Variants in SCAPER observed in about 807,000 individuals in gnomAD.
The protein encoded by SCAPER is S phase cyclin A-associated protein in the endoplasmic reticulum.
SCAPER carries 98 observed loss-of-function variants against 182.2 expected under a neutral mutation model. The observed-to-expected ratio is 0.54, with a 90% CI of 0.46 to 0.64. The LOEUF (loss-of-function observed/expected upper bound fraction) is 0.64. Among genes scored for constraint, SCAPER ranks in the 30% least tolerant of loss-of-function variants. The pLI, the probability that SCAPER is intolerant of heterozygous loss-of-function variation, is 0.00. For missense variants in SCAPER, 1,432 were observed against 1,690.0 expected, an observed-to-expected ratio of 0.85 and a Z score of 2.68; for synonymous variants, 605 against 564.6, an observed-to-expected ratio of 1.07 and a Z score of -1.01.
intron 1 of SCAPER, among the ~76,000 whole-genome samples, chr15:76,884,150 T>C (rs10851892): frequency 0.26 from 40,270 of 152,116 alleles, 6,297 homozygotes; most frequent in East Asian, 0.55. Context: ...ACTTTCTTAC[T>C]ACAACCCATA....
intron 5 of SCAPER, among the ~76,000 whole-genome samples, chr15:76,824,871 G>T (rs986913001): frequency 1.3e-5 from 2 of 152,076 alleles, no homozygotes; most frequent in Non-Finnish European, 2.9e-5. Context: ...ATCTTTGTGG[G>T]TAAATAAAAT....
rs1174283004 is a variant in SCAPER, at chr15:76,531,651, TA to T, written c.2839-26678del. 4.4e-3 allele frequency among the ~76,000 whole-genome samples: 645 copies of T among 146,422 alleles called. 7 individuals carry two copies. The highest frequency in any genetic ancestry group is 0.012 in the African/African-American group (484 of 40,228). ...GAGGATTAAATGTGTAAATATATGT[TA>T]AAAAAAAAAAGAATGGTACTTGGCA... On this transcript the variant is annotated intron_variant, in intron 23 of 31. Transcript: ENST00000563290.
chr15:76,352,908 CT>C (rs1311867757), intron 30 of SCAPER, among the ~76,000 whole-genome samples: 4 of 151,774 alleles, frequency 2.6e-5, no homozygotes, highest in Non-Finnish European at 4.4e-5. Flanking sequence ...TCTAATTTAA[CT>C]TTTTTTCCAG....
chr15:76,406,555 G>A (rs1298248348), intron 26 of SCAPER, among the ~76,000 whole-genome samples: 2 of 152,026 alleles, frequency 1.3e-5, no homozygotes, highest in Admixed American at 1.3e-4. Context: ...GGCTGAGGCA[G>A]GAGGATTGCT....
At chr15:76,723,472 T>C (rs1567926421) in intron 17 of SCAPER, among the ~76,000 whole-genome samples, 1 of 152,158 alleles carries the variant, frequency 6.6e-6, no homozygotes, top group African/African-American at 2.4e-5. Context: ...CTGAGTTCAA[T>C]TCCTGGATAT....
chr15:76,456,584 T>C (rs959358269), intron 25 of SCAPER, among the ~76,000 whole-genome samples: 4 of 152,206 alleles, frequency 2.6e-5, no homozygotes, highest in Admixed American at 2.6e-4. Flanking sequence ...GGTGCAGTGA[T>C]CTACAAACAT....
chr15:76,631,382 T>C (rs1224738889), intron 21 of SCAPER, among the ~76,000 whole-genome samples: 1 of 152,236 alleles, frequency 6.6e-6, no homozygotes, highest in African/African-American at 2.4e-5. Flanking sequence ...TGCTTCATAA[T>C]GTCACTGGTC....
intron 9 of SCAPER, among the ~76,000 whole-genome samples, chr15:76,772,475 A>C (rs903734319): frequency 6.6e-6 from 1 of 152,060 alleles, no homozygotes; most frequent in Non-Finnish European, 1.5e-5. Context: ...AGATAATATT[A>C]ACATGATCTC....
At chr15:76,451,881 C>T (rs1191072875) in intron 25 of SCAPER, among the ~76,000 whole-genome samples, 1 of 152,198 alleles carries the variant, frequency 6.6e-6, no homozygotes, top group Non-Finnish European at 1.5e-5. Context: ...AGAGGGCAGG[C>T]TGTGACTGCA....
chr15:76,404,163 G>A (rs1456968375), intron 27 of SCAPER, among the ~76,000 whole-genome samples: 2 of 152,182 alleles, frequency 1.3e-5, no homozygotes, highest in Admixed American at 6.5e-5. Flanking sequence ...GCTGTACTGT[G>A]TAGGGCTGAC....
intron 5 of SCAPER, among the ~76,000 whole-genome samples, chr15:76,813,705 T>C (rs2066851426): frequency 6.6e-6 from 1 of 152,202 alleles, no homozygotes; most frequent in Admixed American, 6.5e-5. Flanking sequence ...AAATCCTATT[T>C]ATAATAGCAC....
At chr15:76,799,347 G>A (rs1009050167) in intron 7 of SCAPER, among the ~76,000 whole-genome samples, 5 of 149,120 alleles carry the variant, frequency 3.4e-5, no homozygotes, top group Non-Finnish European at 5.9e-5. Context: ...GTACAGTGGC[G>A]TGATATTGGC....
chr15:76,405,097 T>G (rs1466747182), intron 26 of SCAPER, among the ~76,000 whole-genome samples: 1 of 149,580 alleles, frequency 6.7e-6, no homozygotes, highest in Non-Finnish European at 1.5e-5. Context: ...GACACTCTTG[T>G]TACAACTTAC....
intron 23 of SCAPER, among the ~76,000 whole-genome samples, chr15:76,536,024 T>A (rs575949384): frequency 1.5e-4 from 23 of 152,220 alleles, no homozygotes; most frequent in African/African-American, 3.9e-4. Flanking sequence ...ATACACTTAC[T>A]GAGTAAAATT....
intron 22 of SCAPER, among the ~76,000 whole-genome samples, chr15:76,580,624 G>A (rs1222625489): frequency 6.6e-6 from 1 of 151,958 alleles, no homozygotes; most frequent in East Asian, 1.9e-4. Flanking sequence ...TATTATAATG[G>A]AAACATAACA....
chr15:76,812,497 A>AAAAAAAAAG (rs61243906), intron 5 of SCAPER, among the ~76,000 whole-genome samples: 75 of 122,424 alleles, frequency 6.1e-4, no homozygotes, highest in East Asian at 1.2e-3. Context: ...AAAAAAAAAA[A>AAAAAAAAAG]AAAGAAAGAA....
chr15:76,538,011 A>G (rs145844945), intron 23 of SCAPER, among the ~76,000 whole-genome samples: 55,216 of 151,070 alleles, frequency 0.37, 10,307 homozygotes, highest in East Asian at 0.58. Context: ...CAAAACCACA[A>G]TGAGATACCA....
intron 24 of SCAPER, among the ~76,000 whole-genome samples, chr15:76,474,023 C>G (rs1305115626): frequency 6.6e-6 from 1 of 152,026 alleles, no homozygotes; most frequent in Non-Finnish European, 1.5e-5. Flanking sequence ...GTTGGCCAGG[C>G]TGGTCTCGAA....
intron 21 of SCAPER, among the ~76,000 whole-genome samples, chr15:76,654,444 T>C (rs1342865279): frequency 2.0e-5 from 3 of 152,004 alleles, no homozygotes; most frequent in Non-Finnish European, 4.4e-5. Context: ...CTCATACCAC[T>C]AACAATGCTA....
Sources: gnomAD v4.1 joint callset for allele counts (sites outside exome capture counted in the v4.1 genomes callset) on GRCh38, gnomAD v4.1.1 for gene constraint, MANE v1.5 for transcripts, NCBI Gene and HGNC (gene_info 2026-07-23, HGNC 2026-07-21) for gene names.